The following RBM20 variants were observed in gnomAD, a reference collection of about 807,000 sequenced individuals.
RBM20 encodes the protein RNA binding motif protein 20.
A neutral mutation model predicts 110.1 loss-of-function variants in RBM20; 51 were observed. The observed-to-expected ratio is 0.46, with a 90% CI of 0.37 to 0.59. The LOEUF (loss-of-function observed/expected upper bound fraction) is 0.59. Ranked by LOEUF, RBM20 falls within the 20% of genes least tolerant of loss-of-function variation. The pLI is 0.00. For synonymous variants in RBM20, 589 were observed against 618.2 expected, an observed-to-expected ratio of 0.95 and a Z score of 0.70; for missense variants, 1,512 against 1,574.9, an observed-to-expected ratio of 0.96 and a Z score of 0.68.
At chr10:110,762,661 G>A (rs1688023445) in intron 1 of RBM20, among the ~76,000 whole-genome samples, 1 of 152,216 alleles carries the variant, frequency 6.6e-6, no homozygotes, top group Admixed American at 6.5e-5. Flanking sequence ...AATCCTGAAG[G>A]TAGGCACGGT....
intron 1 of RBM20, among the ~76,000 whole-genome samples, chr10:110,680,683 TG>T (rs1862410259): frequency 6.6e-6 from 1 of 152,168 alleles, no homozygotes; most frequent in African/African-American, 2.4e-5. Flanking sequence ...GGTGCACGCC[TG>T]GGGGAGGCTG....
At position 110,784,586 on chromosome 10, in the gene RBM20, C is replaced by T. The variant is rs7073950; in HGVS notation, c.1429+154C>T. On this transcript the variant is annotated intron_variant, in intron 4 of 13. Transcript: ENST00000369519. Reference sequence around the variant, plus strand: ...CCCAAGACACTAAAATGCATTGGGCCTGCTGTCTGGGCCCATCAGTATTCT... The same window carrying T: ...CCCAAGACACTAAAATGCATTGGGCTTGCTGTCTGGGCCCATCAGTATTCT... Among the ~76,000 whole-genome samples the T allele has an allele frequency of 0.21, 31,981 of 152,166 alleles. 3,490 individuals are homozygous for T. The highest frequency in any genetic ancestry group is 0.23 in the Non-Finnish European group (15,465 of 67,982).
intron 1 of RBM20, among the ~76,000 whole-genome samples, chr10:110,761,596 T>C (rs574935849): frequency 1.1e-3 from 164 of 152,320 alleles, no homozygotes; most frequent in African/African-American, 3.8e-3. Context: ...ACCTCCCAGG[T>C]GAACACTCAT....
chr10:110,692,132 T>A lies in RBM20; in HGVS notation c.191+47487T>A, dbSNP rs80055931. 8.7e-3 allele frequency among the ~76,000 whole-genome samples: 1,329 copies of A among 152,284 alleles called. 20 individuals carry two copies. Among genetic ancestry groups the A allele is most frequent in the African/African-American group, 0.03 (1,257 of 41,550 alleles). The stretch of plus-strand genomic sequence containing the variant: ...ATTGTATTCTACTGCTCTATGTCTG[T>A]CCTTATGCCAGTACCACACTCTTTT... On this transcript the variant is annotated intron_variant, in intron 1 of 13. Transcript: ENST00000369519.
intron 8 of RBM20, among the ~76,000 whole-genome samples, chr10:110,810,978 C>T (rs1211269942): frequency 1.3e-5 from 2 of 152,194 alleles, no homozygotes; most frequent in East Asian, 3.8e-4. Flanking sequence ...TTTCTCGAAA[C>T]ATTGAATATA....
intron 13 of RBM20, 68 bp downstream of exon 13, chr10:110,831,250 T>G (rs572422392): frequency 6.6e-7 from 1 of 1,507,546 alleles, no homozygotes; most frequent in Non-Finnish European, 9.0e-7. Context: ...GCCAGGTGTC[T>G]GGCGTCCTTG....
intron 8 of RBM20, among the ~76,000 whole-genome samples, chr10:110,811,949 G>A (rs937109341): frequency 1.3e-5 from 2 of 152,134 alleles, no homozygotes; most frequent in Admixed American, 6.5e-5. Flanking sequence ...TCAGAGGTCC[G>A]CTCCCTGAGC....
chr10:110,672,457 CCTT>C (rs1353800184), intron 1 of RBM20, among the ~76,000 whole-genome samples: 2 of 152,268 alleles, frequency 1.3e-5, no homozygotes, highest in South Asian at 2.1e-4. Context: ...TCTGCAGAGA[CCTT>C]CTCTCCGGGC....
intron 12 of RBM20, among the ~76,000 whole-genome samples, chr10:110,824,923 T>G (rs1225401366): frequency 1.3e-5 from 2 of 152,154 alleles, no homozygotes; most frequent in African/African-American, 4.8e-5. Context: ...GGCTGGTCAG[T>G]GTGGAGGCTC....
chr10:110,749,375 A>T (rs1386113035), intron 1 of RBM20, among the ~76,000 whole-genome samples: 2 of 152,260 alleles, frequency 1.3e-5, no homozygotes, highest in Non-Finnish European at 2.9e-5. Flanking sequence ...TATAGAAAAA[A>T]AGATACAGTT....
At chr10:110,658,878 A>G (rs891076056) in intron 1 of RBM20, among the ~76,000 whole-genome samples, 2 of 151,826 alleles carry the variant, frequency 1.3e-5, no homozygotes, top group Non-Finnish European at 2.9e-5. Flanking sequence ...GCTTTCCCCA[A>G]CCCTAAGCAG....
At chr10:110,829,843 G>A (rs1023825385) in intron 12 of RBM20, among the ~76,000 whole-genome samples, 1 of 152,106 alleles carries the variant, frequency 6.6e-6, no homozygotes, top group Admixed American at 6.5e-5. Context: ...CCATTCCCAG[G>A]CCCCTTCCTT....
At chr10:110,748,810 CTATT>C (rs1450988180) in intron 1 of RBM20, among the ~76,000 whole-genome samples, 1 of 152,198 alleles carries the variant, frequency 6.6e-6, no homozygotes, top group Non-Finnish European at 1.5e-5. Context: ...ATCATCATGA[CTATT>C]TAGTTCCAGG....
chr10:110,738,047 T>C (rs962416511), intron 1 of RBM20, among the ~76,000 whole-genome samples: 3 of 152,130 alleles, frequency 2.0e-5, no homozygotes, highest in African/African-American at 7.2e-5. Flanking sequence ...GCATTGGGAA[T>C]AGTAAGGAGC....
chr10:110,806,527 G>A (rs1844697726), intron 7 of RBM20, among the ~76,000 whole-genome samples: 1 of 152,168 alleles, frequency 6.6e-6, no homozygotes, highest in Admixed American at 6.5e-5. Context: ...CTGGGGGATG[G>A]TGCTAAACCA....
Position 110,692,630 on chromosome 10 carries a change from T to TTGTG in RBM20, c.191+47997_191+48000dup, listed in dbSNP as rs137929844. ...GCTATTTGTTTATGAGCTATAACCA[T>TTGTG]TGTGTGTGTGTGTGTAACTTGAGGG... is the stretch of plus-strand genomic sequence containing the variant. On this transcript the variant is annotated intron_variant, in intron 1 of 13. Transcript: ENST00000369519. Among the ~76,000 whole-genome samples the TTGTG allele has an allele frequency of 3.2e-4, 49 of 151,370 alleles. No homozygotes were observed. In the East Asian group the frequency reaches 7.2e-3, roughly 22 times the overall value.
chr10:110,797,765 G>A, intron 6 of RBM20, 117 bp downstream of exon 6: 1 of 1,093,570 alleles, frequency 9.1e-7, no homozygotes, highest in Non-Finnish European at 1.3e-6. Flanking sequence ...GCCGTAGCTG[G>A]CCTTCTGTTG....
At chr10:110,646,479 A>G (rs572861788) in intron 1 of RBM20, among the ~76,000 whole-genome samples, 1 of 152,344 alleles carries the variant, frequency 6.6e-6, no homozygotes, top group Admixed American at 6.5e-5. Flanking sequence ...TGGAGACCTC[A>G]AGAAGCGCCT....
intron 5 of RBM20, among the ~76,000 whole-genome samples, chr10:110,786,476 T>C (rs542674021): frequency 6.6e-6 from 1 of 152,262 alleles, no homozygotes; most frequent in East Asian, 1.9e-4. Flanking sequence ...GAGCCCAGGC[T>C]TCTGTTTATT....
Sources: gnomAD v4.1 joint callset for allele counts (sites outside exome capture counted in the v4.1 genomes callset) on GRCh38, gnomAD v4.1.1 for gene constraint, MANE v1.5 for transcripts, NCBI Gene and HGNC (gene_info 2026-07-23, HGNC 2026-07-21) for gene names.